The following SPMAP2L variants were observed in gnomAD, a reference collection of about 807,000 sequenced individuals.
The protein encoded by SPMAP2L is sperm microtubule associated protein 2-like.
chr4:56,566,695 C>CTTTTTTTTTTTTTTTTTTTTT, the SPMAP2L span, among the ~76,000 whole-genome samples: 2 of 92,448 alleles, frequency 2.2e-5, no homozygotes, highest in African/African-American at 8.5e-5. Context: ...TTTTCTTTTT[C>CTTTTTTTTTTTTTTTTTTTTT]TTTTTTTTTT....
chr4:56,534,843 C>A, the SPMAP2L span, among the ~76,000 whole-genome samples: 1 of 152,156 alleles, frequency 6.6e-6, no homozygotes, highest in Non-Finnish European at 1.5e-5. Context: ...GCAGGAGAAT[C>A]GCTTGAACCT....
the SPMAP2L span, among the ~76,000 whole-genome samples, chr4:56,582,538 A>G: frequency 1.3e-5 from 2 of 152,138 alleles, no homozygotes. Flanking sequence ...AAGGATAATG[A>G]TAAGAAATAA....
chr4:56,589,919 G>A, the SPMAP2L span, among the ~76,000 whole-genome samples: 1 of 152,050 alleles, frequency 6.6e-6, no homozygotes, highest in African/African-American at 2.4e-5. Flanking sequence ...GCTTTCTGGA[G>A]GAGTCTTTAG....
the SPMAP2L span, chr4:56,603,320 T>C: frequency 6.5e-7 from 1 of 1,530,520 alleles, no homozygotes. Context: ...CTCTTACACG[T>C]TAAATACAGA....
chr4:56,596,871 A>G, the SPMAP2L span, among the ~76,000 whole-genome samples: 1 of 152,336 alleles, frequency 6.6e-6, no homozygotes, highest in East Asian at 1.9e-4. Context: ...CGTCACTACA[A>G]GCTCTATGAT....
the SPMAP2L span, among the ~76,000 whole-genome samples, chr4:56,619,227 C>T: frequency 1.3e-5 from 2 of 152,136 alleles, no homozygotes; most frequent in African/African-American, 4.8e-5. Context: ...TTGCATTGTA[C>T]CCTACTCACC....
chr4:56,550,396 A>G, the SPMAP2L span, among the ~76,000 whole-genome samples: 1 of 152,184 alleles, frequency 6.6e-6, no homozygotes, highest in African/African-American at 2.4e-5. Context: ...GTTTTCTCAC[A>G]AGAATTCTGA....
chr4:56,542,249 T>C, the SPMAP2L span, among the ~76,000 whole-genome samples: 1 of 152,178 alleles, frequency 6.6e-6, no homozygotes, highest in Non-Finnish European at 1.5e-5. Flanking sequence ...CTTCCCACAT[T>C]TTCCTGACTT....
chr4:56,553,675 T>C, the SPMAP2L span, among the ~76,000 whole-genome samples: 2 of 152,128 alleles, frequency 1.3e-5, no homozygotes, highest in East Asian at 3.8e-4. Flanking sequence ...CCAATATTGA[T>C]ATATTTTTAC....
chr4:56,547,087 A>C, the SPMAP2L span, among the ~76,000 whole-genome samples: 2 of 152,308 alleles, frequency 1.3e-5, no homozygotes, highest in African/African-American at 4.8e-5. Flanking sequence ...TTGAATAGTT[A>C]ATTGTGTTTC....
chr4:56,592,523 C>T, the SPMAP2L span, among the ~76,000 whole-genome samples: 1 of 152,250 alleles, frequency 6.6e-6, no homozygotes, highest in African/African-American at 2.4e-5. Flanking sequence ...AGCGTCCATC[C>T]ATCTGTCCGG....
the SPMAP2L span, chr4:56,595,076 C>G: frequency 6.2e-7 from 1 of 1,610,448 alleles, no homozygotes; most frequent in Non-Finnish European, 8.5e-7. Context: ...CCATGGGGCT[C>G]CAGTTCCATC....
the SPMAP2L span, among the ~76,000 whole-genome samples, chr4:56,601,396 A>G: frequency 1.3e-5 from 2 of 152,070 alleles, no homozygotes; most frequent in Non-Finnish European, 2.9e-5. Context: ...AGGTGGGAGG[A>G]TAGCTTGAGG....
the SPMAP2L span, chr4:56,593,262 G>A: frequency 6.6e-6 from 8 of 1,218,306 alleles, no homozygotes; most frequent in South Asian, 3.6e-5. Flanking sequence ...GAGGGACTGC[G>A]GCTGCAGAGG....
the SPMAP2L span, chr4:56,530,865 G>A: frequency 7.2e-6 from 11 of 1,534,894 alleles, no homozygotes; most frequent in Non-Finnish European, 9.6e-6. Context: ...AACCCGAGGA[G>A]GTCAGGGAGC....
the SPMAP2L span, among the ~76,000 whole-genome samples, chr4:56,599,474 C>A: frequency 6.6e-6 from 1 of 152,042 alleles, no homozygotes. Flanking sequence ...TGGTGGTTTG[C>A]TGCACCTATC....
the SPMAP2L span, among the ~76,000 whole-genome samples, chr4:56,537,494 C>A: frequency 6.6e-6 from 1 of 152,168 alleles, no homozygotes; most frequent in South Asian, 2.1e-4. Flanking sequence ...CCTTCAGTCT[C>A]CCCCATCTAA....
the SPMAP2L span, among the ~76,000 whole-genome samples, chr4:56,582,592 A>G: frequency 2.6e-5 from 4 of 152,360 alleles, no homozygotes; most frequent in East Asian, 5.8e-4. Context: ...TGGAAACATT[A>G]AAACCCTTAT....
At chr4:56,623,841 T>C in the SPMAP2L span, among the ~76,000 whole-genome samples, 2 of 152,192 alleles carry the variant, frequency 1.3e-5, no homozygotes, top group Non-Finnish European at 2.9e-5. Flanking sequence ...CCCAGTTTCA[T>C]GTATGTTTTT....
Sources: gnomAD v4.1 joint callset for allele counts (sites outside exome capture counted in the v4.1 genomes callset) on GRCh38, gnomAD v4.1.1 for gene constraint, MANE v1.5 for transcripts, NCBI Gene and HGNC (gene_info 2026-07-23, HGNC 2026-07-21) for gene names.